Variants in ACVR1 observed in about 807,000 individuals in gnomAD.
ACVR1 encodes activin A receptor type 1.
In ACVR1, 38 loss-of-function variants were observed where a neutral mutation model predicts 57.1. The ratio of observed to expected loss-of-function variants is 0.67; its 90% CI spans 0.51 to 0.87. The LOEUF (loss-of-function observed/expected upper bound fraction) is 0.87. Among genes scored for constraint, ACVR1 ranks in the 40% least tolerant of loss-of-function variants. The pLI is 0.00. For missense variants in ACVR1, 463 were observed against 638.2 expected (o/e 0.73, Z 2.96); for synonymous variants, 212 against 228.1 (o/e 0.93, Z 0.63).
chr2:157,769,435 G>C (rs897207235), intron 7 of ACVR1, among the ~76,000 whole-genome samples: 1 of 152,200 alleles, frequency 6.6e-6, no homozygotes, highest in Non-Finnish European at 1.5e-5. Context: ...GTAAGCAAAA[G>C]TGAGAAATCA....
At chr2:157,750,398 G>A (rs1685138072) in intron 9 of ACVR1, among the ~76,000 whole-genome samples, 1 of 152,170 alleles carries the variant, frequency 6.6e-6, no homozygotes, top group Admixed American at 6.5e-5. Flanking sequence ...AACCACTTGT[G>A]CCCAAGGACC....
chr2:157,854,489 G>A lies in ACVR1; in HGVS notation c.-183+21307C>T, dbSNP rs189835851. Among the ~76,000 whole-genome samples the A allele has an allele frequency of 5.9e-3, 895 of 152,254 alleles. 9 individuals are homozygous for A. The highest frequency in any genetic ancestry group is 0.027 in the Middle Eastern group (8 of 294). On this transcript the variant is annotated intron_variant, in intron 1 of 10. Transcript: ENST00000434821. ...TGTAATCCCAGCCCTTTGGGAGGCC[G>A]AGGCGGGAGGATCACGAGGTCAGGA... is the stretch of plus-strand genomic sequence containing the variant.
Position 157,761,887 on chromosome 2 carries a change from T to C in ACVR1, c.1067-810A>G, listed in dbSNP as rs539264724. On this transcript the variant is annotated intron_variant, in intron 8 of 10. Coordinates refer to ENST00000434821, the MANE Select transcript of ACVR1 (RefSeq NM_001111067.4). Reference sequence around the variant, plus strand: ...ATTTGTTGTAATGAAAAGTGCCAAATTGGAGCAAGCAGTCCCTGTAAACCA... The same window carrying C: ...ATTTGTTGTAATGAAAAGTGCCAAACTGGAGCAAGCAGTCCCTGTAAACCA... Among the ~76,000 whole-genome samples, 90 of 152,330 alleles carry C rather than the reference T, an allele frequency of 5.9e-4. 1 individual carries two copies. Among genetic ancestry groups the C allele is most frequent in the South Asian group, 5.0e-3 (24 of 4,822 alleles).
chr2:157,828,727 G>C (rs966662828), intron 1 of ACVR1, among the ~76,000 whole-genome samples: 1 of 152,086 alleles, frequency 6.6e-6, no homozygotes, highest in Non-Finnish European at 1.5e-5. Context: ...TAATTTAGCA[G>C]TTTCATTCTT....
At chr2:157,760,699 T>C (rs1685612591) in intron 9 of ACVR1, among the ~76,000 whole-genome samples, 181 bp downstream of exon 9, 1 of 152,224 alleles carries the variant, frequency 6.6e-6, no homozygotes, top group South Asian at 2.1e-4. Flanking sequence ...CTGTGGTATA[T>C]TTCAAACATA....
Position 157,737,666 on chromosome 2 carries a change from C to T in ACVR1, c.1396-1G>A. 6.2e-7 allele frequency: 1 copy of T among 1,614,052 alleles called. No homozygotes were observed. Reference sequence around the variant, plus strand: ...TTAGCTTGGCCAGAGAGGTTAATGTCTGAGGAGAGAAAGAACAAACACCAC... The same window carrying T: ...TTAGCTTGGCCAGAGAGGTTAATGTTTGAGGAGAGAAAGAACAAACACCAC... On this transcript the variant is annotated splice_acceptor_variant, in intron 10 of 10. Coordinates refer to ENST00000434821, the MANE Select transcript of ACVR1 (RefSeq NM_001111067.4). LOFTEE classifies it high-confidence loss of function.
At chr2:157,799,540 A>C in intron 2 of ACVR1, 40 bp from the exon 3 acceptor site, 1 of 1,494,530 alleles carries the variant, frequency 6.7e-7, no homozygotes, top group Non-Finnish European at 9.3e-7. Flanking sequence ...AAGCATAAAT[A>C]TCTAACTGCA....
intron 3 of ACVR1, among the ~76,000 whole-genome samples, chr2:157,782,489 A>T (rs1437122888): frequency 6.6e-6 from 1 of 152,260 alleles, no homozygotes; most frequent in Non-Finnish European, 1.5e-5. Context: ...AATCCGAAGG[A>T]AATTCCAGCA....
chr2:157,744,232 T>C (rs187263603), intron 9 of ACVR1, among the ~76,000 whole-genome samples: 9 of 152,338 alleles, frequency 5.9e-5, no homozygotes, highest in Admixed American at 3.9e-4. Flanking sequence ...CAAAGAGCTA[T>C]TTTTAACAAT....
chr2:157,856,563 C>A (rs1206657824), intron 1 of ACVR1, among the ~76,000 whole-genome samples: 1 of 152,110 alleles, frequency 6.6e-6, no homozygotes, highest in Non-Finnish European at 1.5e-5. Context: ...TTATTGAGTG[C>A]CTGTGGTGTG....
rs886054987 is a variant in ACVR1, at chr2:157,737,321, T to C, written c.*210A>G. On this transcript the variant is annotated 3_prime_UTR_variant, in exon 11 of 11. Transcript: ENST00000434821. ...TAGTCTCTGCAGTGTGAACAGTTCG[T>C]GAAATGCCCAGTTCACAGTCATCGA... The C allele has an allele frequency of 1.6e-6, 1 of 642,652 alleles. No individual in the cohort carries two copies. The highest frequency in any genetic ancestry group is 1.8e-5 in the African/African-American group (1 of 55,564). The allele number at this position is 642,652 out of a possible 1,614,324, so 39.8% of individuals were successfully genotyped here.
In ACVR1 at chr2:157,778,829, T is replaced by C. The variant is rs554015831; in HGVS notation, c.332-487A>G. 5.3e-5 allele frequency among the ~76,000 whole-genome samples: 8 copies of C among 152,302 alleles called. No individual in the cohort carries two copies. The South Asian group carries it at 1.0e-3, about 20-fold the overall frequency. On this transcript the variant is annotated intron_variant, in intron 4 of 10. Transcript: ENST00000434821. ...CAATTTCTGCCTAGGAACCCATTCA[T>C]TCCTCTCTTCATTTACTCGCTTATT...
At chr2:157,855,859 C>T (rs1689513983) in intron 1 of ACVR1, among the ~76,000 whole-genome samples, 1 of 151,838 alleles carries the variant, frequency 6.6e-6, no homozygotes, top group Admixed American at 6.6e-5. Context: ...TTTTTTCCTC[C>T]CAAGAGGAAC....
chr2:157,740,298 T>C (rs1004296373), intron 9 of ACVR1, among the ~76,000 whole-genome samples: 1 of 152,104 alleles, frequency 6.6e-6, no homozygotes, highest in African/African-American at 2.4e-5. Flanking sequence ...ATAAACATCA[T>C]ATTGGGTATA....
chr2:157,865,558 G>A (rs1047106433), intron 1 of ACVR1, among the ~76,000 whole-genome samples: 1 of 152,186 alleles, frequency 6.6e-6, no homozygotes, highest in South Asian at 2.1e-4. Flanking sequence ...TTGGGAGGCC[G>A]AGGCGGGCAG....
chr2:157,819,106 A>T (rs1688061084), intron 1 of ACVR1, among the ~76,000 whole-genome samples: 1 of 144,194 alleles, frequency 6.9e-6, no homozygotes, highest in Non-Finnish European at 1.5e-5. Context: ...AAAAAAAACC[A>T]GTAAGATCTG....
At chr2:157,865,337 G>A (rs1689876369) in intron 1 of ACVR1, among the ~76,000 whole-genome samples, 2 of 152,130 alleles carry the variant, frequency 1.3e-5, no homozygotes, top group Admixed American at 1.3e-4. Context: ...TCATCCTCTC[G>A]TTATCACCAC....
chr2:157,807,758 C>T (rs1330816340), intron 2 of ACVR1, among the ~76,000 whole-genome samples: 1 of 149,294 alleles, frequency 6.7e-6, no homozygotes, highest in Non-Finnish European at 1.5e-5. Flanking sequence ...CAGTGCAGAC[C>T]TTTCTTTCCC....
rs1390260418 is a variant in ACVR1, at chr2:157,766,021, C to T, written c.966G>A (p.Glu322=). 1.2e-6 allele frequency: 2 copies of T among 1,614,002 alleles called. No homozygotes were observed. Among genetic ancestry groups the T allele is most frequent in the East Asian group, 2.2e-5 (1 of 44,886 alleles). ...IASGLAHLHI[E]IFGTQGKPAI... ...CTGGTTTCCCTTGGGTCCCAAATATCTCTATGTGCAAATGTGCAAGACCAC... is the reference window on the plus strand; with the variant it reads ...CTGGTTTCCCTTGGGTCCCAAATATTTCTATGTGCAAATGTGCAAGACCAC... Residue 322 remains glutamate (E), a synonymous_variant, in exon 8 of 11, where the codon GAG becomes GAA. Transcript: ENST00000434821.
Sources: allele counts gnomAD v4.1 joint callset (sites outside exome capture counted in the v4.1 genomes callset), GRCh38; gene constraint gnomAD v4.1.1; transcripts MANE v1.5; gene names NCBI Gene and HGNC (gene_info 2026-07-23, HGNC 2026-07-21).